Variants in FOXN3 observed in about 807,000 individuals in gnomAD.
FOXN3 encodes the protein forkhead box protein N3.
FOXN3 carries 7 observed loss-of-function variants against 38.4 expected under a neutral mutation model. That is an observed-to-expected ratio of 0.18 (90% CI 0.10 to 0.34). The LOEUF (loss-of-function observed/expected upper bound fraction) is 0.34. Among genes scored for constraint, FOXN3 ranks in the 10% least tolerant of loss-of-function variants. FOXN3 has a pLI of 1.00. For missense variants in FOXN3, 456 were observed against 613.4 expected (o/e 0.74, Z 2.71); for synonymous variants, 230 against 242.2 (o/e 0.95, Z 0.47).
At chr14:89,374,723 G>C (rs956754526) in intron 2 of FOXN3, among the ~76,000 whole-genome samples, 6 of 152,090 alleles carry the variant, frequency 3.9e-5, no homozygotes, top group African/African-American at 9.7e-5. Context: ...TGTAATCCCA[G>C]CACTTTGGGA....
At chr14:89,199,268 A>G (rs924859638) in intron 4 of FOXN3, among the ~76,000 whole-genome samples, 9 of 152,212 alleles carry the variant, frequency 5.9e-5, no homozygotes, top group African/African-American at 2.2e-4. Context: ...TCACAGTGAG[A>G]CAGGAGACAA....
At chr14:89,179,737 A>T (rs1887614546) in intron 5 of FOXN3, among the ~76,000 whole-genome samples, 1 of 152,180 alleles carries the variant, frequency 6.6e-6, no homozygotes, top group Non-Finnish European at 1.5e-5. Flanking sequence ...AGTTTCTCTG[A>T]TGCTGGTTCC....
chr14:89,400,648 C>T (rs973482247), intron 2 of FOXN3, among the ~76,000 whole-genome samples: 9 of 152,114 alleles, frequency 5.9e-5, no homozygotes, highest in Non-Finnish European at 1.3e-4. Context: ...TTAGACATAA[C>T]ATTCTCCCCT....
intron 5 of FOXN3, among the ~76,000 whole-genome samples, chr14:89,177,196 AGAT>A (rs1205637162): frequency 6.6e-6 from 1 of 152,006 alleles, no homozygotes; most frequent in Non-Finnish European, 1.5e-5. Flanking sequence ...CTTTTAGTAG[AGAT>A]GATGTTTCAC....
At chr14:89,225,945 A>G (rs1229150836) in intron 4 of FOXN3, among the ~76,000 whole-genome samples, 1 of 152,158 alleles carries the variant, frequency 6.6e-6, no homozygotes, top group Non-Finnish European at 1.5e-5. Flanking sequence ...CCCATCTTAT[A>G]GGTGAGGTTG....
In FOXN3 at chr14:89,179,244, CTA is replaced by C. The variant is rs1468423739; in HGVS notation, c.851+1455_851+1456del. Among the ~76,000 whole-genome samples, 9 of 152,306 alleles carry C rather than the reference CTA, an allele frequency of 5.9e-5. No individual in the cohort carries two copies. The South Asian group carries it at 1.9e-3, about 32-fold the overall frequency. ...TTATAATTTGTTGCTATTCTAATTGCTAACAACTTCCCATCTTATCAGAACCT... is the reference window on the plus strand; with the variant it reads ...TTATAATTTGTTGCTATTCTAATTGCACAACTTCCCATCTTATCAGAACCT... On this transcript the variant is annotated intron_variant, in intron 5 of 5. Transcript: ENST00000557258.
At chr14:89,496,866 G>T (rs912249517) in intron 1 of FOXN3, among the ~76,000 whole-genome samples, 1 of 152,126 alleles carries the variant, frequency 6.6e-6, no homozygotes, top group African/African-American at 2.4e-5. Context: ...CATAAAAGTG[G>T]AACCACGGAA....
At chr14:89,569,239 C>T (rs1393624806) in intron 1 of FOXN3, among the ~76,000 whole-genome samples, 1 of 151,870 alleles carries the variant, frequency 6.6e-6, no homozygotes, top group Non-Finnish European at 1.5e-5. Flanking sequence ...CATTATCCTA[C>T]CCAGACTACC....
rs1298135057 is a variant in FOXN3, at chr14:89,412,019, T to G, written c.458A>C (p.Asn153Thr). ...TGAGTTTTTCCACCCAGTAGGTGCATTTGCAAAATACGGAAAATGTTCCAA... is the reference window on the plus strand; with the variant it reads ...TGAGTTTTTCCACCCAGTAGGTGCAGTTGCAAAATACGGAAAATGTTCCAA... ...WILEHFPYFA[N>T]APTGWKNSVR... Residue 153 changes from asparagine (N) to threonine (T), a missense_variant, in exon 2 of 6, where the codon AAT becomes ACT. Physicochemically the swap from Asn to Thr is moderately conservative, Grantham distance 65 (BLOSUM62 0). Transcript: ENST00000557258. The surrounding 1 kb of genome is among the most constrained non-coding windows in gnomAD (Gnocchi z 4.7). 1 of 1,612,212 alleles carries G rather than the reference T, an allele frequency of 6.2e-7. No individual in the cohort carries two copies. The highest frequency in any genetic ancestry group is 8.5e-7 in the Non-Finnish European group (1 of 1,179,074).
At chr14:89,217,863 C>G (rs1364368338) in intron 4 of FOXN3, among the ~76,000 whole-genome samples, 3 of 152,232 alleles carry the variant, frequency 2.0e-5, no homozygotes, top group Non-Finnish European at 4.4e-5. Context: ...TGCAGCACTG[C>G]TGCCGGGCCT....
intron 4 of FOXN3, among the ~76,000 whole-genome samples, chr14:89,233,562 A>G (rs1483311315): frequency 6.6e-6 from 1 of 152,206 alleles, no homozygotes; most frequent in African/African-American, 2.4e-5. Flanking sequence ...GAAGGTCAAC[A>G]GTTCCCTTTT....
At chr14:89,338,104 G>GGCAGACACATCT (rs1555419207) in intron 3 of FOXN3, among the ~76,000 whole-genome samples, 4 of 152,094 alleles carry the variant, frequency 2.6e-5, no homozygotes, top group African/African-American at 9.7e-5. Context: ...AGGGACACTC[G>GGCAGACACATCT]GACCTTGGCA....
At chr14:89,365,717 CACA>C (rs1264188655) in intron 2 of FOXN3, among the ~76,000 whole-genome samples, 1 of 152,144 alleles carries the variant, frequency 6.6e-6, no homozygotes, top group African/African-American at 2.4e-5. Flanking sequence ...ACATGCAAAA[CACA>C]CAGGAAGCTA....
chr14:89,192,913 C>T lies in FOXN3; in HGVS notation c.746-12107G>A, dbSNP rs930118663. 7.2e-5 allele frequency among the ~76,000 whole-genome samples: 11 copies of T among 151,880 alleles called. No homozygotes were observed. In the South Asian group the frequency reaches 1.0e-3, roughly 14 times the overall value. On this transcript the variant is annotated intron_variant, in intron 4 of 5. Transcript: ENST00000557258. ...CTCCCACTGCCCCGGGTCCCTTGGT[C>T]CCCCACAGGGCCTGTTGCCTGCAAG...
At chr14:89,180,596 A>C (rs918553637) in intron 5 of FOXN3, 105 bp downstream of exon 5, 1 of 720,612 alleles carries the variant, frequency 1.4e-6, no homozygotes, top group Non-Finnish European at 2.2e-6. Flanking sequence ...TATTGCTGTC[A>C]CTAGTTCGAA....
Position 89,606,426 on chromosome 14 carries a change from A to T in FOXN3, c.-15+12602T>A, listed in dbSNP as rs572336886. Among the ~76,000 whole-genome samples the T allele has an allele frequency of 5.9e-5, 9 of 152,338 alleles. No individual in the cohort carries two copies. In the East Asian group the frequency reaches 1.7e-3, roughly 29 times the overall value. On this transcript the variant is annotated intron_variant, in intron 1 of 6. Transcript: ENST00000345097. ...AAAACATTGATACCAAAATTTGATA[A>T]GATCAAGGTTGAGCATTGAAGCCAG...
At chr14:89,165,792 G>A (rs537097805) in intron 5 of FOXN3, among the ~76,000 whole-genome samples, 3 of 152,344 alleles carry the variant, frequency 2.0e-5, no homozygotes, top group African/African-American at 7.2e-5. Context: ...GGGAACTACT[G>A]TAAAATACAA....
rs1887146118 is a variant in FOXN3 at position 89,162,989 on chromosome 14, G to A, written c.852-20C>T. 4.0e-6 allele frequency: 6 copies of A among 1,518,092 alleles called. No homozygotes were observed. In the South Asian group the frequency reaches 7.9e-5, roughly 20 times the overall value. The allele number at this position is 1,518,092 out of a possible 1,614,324, so 94.0% of individuals were successfully genotyped here. A position where few individuals can be genotyped will look rare whatever the true frequency, so the allele number is the denominator to read the frequency against. ...CCATTCCTGCAGAGCGAGGACAGTG[G>A]GGAGGGACGGGAGACAAAGAAGGGA... On this transcript the variant is annotated intron_variant, in intron 5 of 5. Transcript: ENST00000557258. The surrounding 1 kb of genome is among the most constrained non-coding windows in gnomAD (Gnocchi z 7.2).
At chr14:89,554,208 G>T (rs1895066666) in intron 1 of FOXN3, among the ~76,000 whole-genome samples, 2 of 152,214 alleles carry the variant, frequency 1.3e-5, no homozygotes, top group South Asian at 4.1e-4. Flanking sequence ...CACCAAGTTG[G>T]CCAGGCTGGT....
Sources: gnomAD v4.1 joint callset for allele counts (sites outside exome capture counted in the v4.1 genomes callset) on GRCh38, gnomAD v4.1.1 for gene constraint, Gnocchi (gnomAD v3.1) non-coding constraint, MANE v1.5 for transcripts, NCBI Gene and HGNC (gene_info 2026-07-23, HGNC 2026-07-21) for gene names.